Variants in MOK observed in about 807,000 individuals in gnomAD.
The protein encoded by MOK is MAPK/MAK/MRK overlapping kinase.
In MOK, 59 loss-of-function variants were observed where a neutral mutation model predicts 54.2. The ratio of observed to expected loss-of-function variants is 1.09; its 90% CI spans 0.88 to 1.35. MOK has a LOEUF of 1.35. Among genes scored for constraint, MOK ranks in the 40% most tolerant of loss-of-function variants. The pLI is 0.00. For synonymous variants in MOK, 210 were observed against 202.7 expected (o/e 1.04, Z -0.31); for missense variants, 517 against 526.2 (o/e 0.98, Z 0.17).
intron 4 of MOK, among the ~76,000 whole-genome samples, chr14:102,258,928 T>C (rs1160031635): frequency 6.6e-6 from 1 of 152,046 alleles, no homozygotes; most frequent in Non-Finnish European, 1.5e-5. Context: ...TAGCCGGACG[T>C]GGTGGTGGGC....
intron 2 of MOK, among the ~76,000 whole-genome samples, chr14:102,274,159 G>A (rs2068634553): frequency 6.6e-6 from 1 of 151,044 alleles, no homozygotes; most frequent in Non-Finnish European, 1.5e-5. Context: ...GGGTTTCACG[G>A]TTTTAGCCAG....
At chr14:102,281,105 CTT>C (rs2069373182) in intron 2 of MOK, among the ~76,000 whole-genome samples, 1 of 152,158 alleles carries the variant, frequency 6.6e-6, no homozygotes, top group Admixed American at 6.6e-5. Context: ...GGGCAGATCA[CTT>C]GAGGTCAGGA....
At chr14:102,258,669 C>T (rs992303031) in intron 4 of MOK, among the ~76,000 whole-genome samples, 1 of 152,216 alleles carries the variant, frequency 6.6e-6, no homozygotes, top group African/African-American at 2.4e-5. Context: ...CAGCCCACAC[C>T]ATCTCTGCCT....
downstream of MOK, chr14:102,225,006 A>G: frequency 2.9e-6 from 1 of 345,428 alleles, no homozygotes; most frequent in East Asian, 7.8e-5. Flanking sequence ...CAAAACAGCT[A>G]CAGTGAACTG....
the MOK span, among the ~76,000 whole-genome samples, chr14:102,218,968 G>A: frequency 6.6e-6 from 1 of 152,206 alleles, no homozygotes; most frequent in Non-Finnish European, 1.5e-5. Context: ...TTTCTCCCAT[G>A]AAAAGGAAGC....
the MOK span, among the ~76,000 whole-genome samples, chr14:102,216,955 T>TC: frequency 3.3e-4 from 50 of 152,228 alleles, 1 homozygote; most frequent in African/African-American, 1.2e-3. Flanking sequence ...TAGCCATTTC[T>TC]CCATGTGTGG....
chr14:102,263,220 C>T (rs2067616958), intron 4 of MOK, among the ~76,000 whole-genome samples: 1 of 152,270 alleles, frequency 6.6e-6, no homozygotes, highest in African/African-American at 2.4e-5. Context: ...AGAGAGGCCC[C>T]TGAGCCAGCG....
rs1350796323 is a variant in MOK, at chr14:102,229,324, G to A, written c.1225C>T (p.Arg409Cys). 1.2e-6 allele frequency: 2 copies of A among 1,613,466 alleles called. No individual in the cohort carries two copies. The highest frequency in any genetic ancestry group is 1.7e-6 in the Non-Finnish European group (2 of 1,179,640). The change falls in exon 12 of 12, where the codon CGC (arginine) becomes TGC (cysteine). Residue 409 changes from arginine (R) to cysteine (C), a missense_variant. Transcript: ENST00000361847. ...KDLKPAPQQC[R>C]LPTIVRKGGR ...CCTTTCCGCACTATGGTGGGCAGGCGACACTGCTGCGGGGCAGGCTTAAGG... is the reference window on the plus strand; with the variant it reads ...CCTTTCCGCACTATGGTGGGCAGGCAACACTGCTGCGGGGCAGGCTTAAGG...
intron 2 of MOK, among the ~76,000 whole-genome samples, chr14:102,275,519 G>C (rs985251879): frequency 6.8e-6 from 1 of 147,668 alleles, no homozygotes; most frequent in Non-Finnish European, 1.5e-5. Context: ...AGCAGAGATA[G>C]CGCCACTGCA....
chr14:102,292,741 G>A (rs1158431282), intron 1 of MOK, among the ~76,000 whole-genome samples: 5 of 149,616 alleles, frequency 3.3e-5, no homozygotes, highest in African/African-American at 9.9e-5. Flanking sequence ...TACACTTAGA[G>A]AAACAAAAAC....
chr14:102,242,901 G>A (rs139907184), intron 7 of MOK, among the ~76,000 whole-genome samples: 10 of 151,950 alleles, frequency 6.6e-5, no homozygotes, highest in Admixed American at 1.3e-4. Flanking sequence ...TCCTTTGCAC[G>A]CTTCATCCCA....
chr14:102,251,939 T>C lies in MOK; in HGVS notation c.340A>G (p.Lys114Glu). ...KIMHYMYQLCKSLDHIHRNGI... is the reference protein window; with the variant it reads ...KIMHYMYQLCESLDHIHRNGI... ...TACCTGTGAATATGATCCAGGGACTTACATAACTGGTACATATAGTGCATA... is the reference window on the plus strand; with the variant it reads ...TACCTGTGAATATGATCCAGGGACTCACATAACTGGTACATATAGTGCATA... The change falls in exon 5 of 12, where the codon AAG becomes GAG. Residue 114 changes from lysine (K) to glutamate (E), a missense_variant. Coordinates refer to ENST00000361847, the MANE Select transcript of MOK (RefSeq NM_014226.3). 6.2e-7 allele frequency: 1 copy of C among 1,606,328 alleles called. No homozygotes were observed.
chr14:102,224,036 G>GTTTTTTT (rs1184725386), downstream of MOK, among the ~76,000 whole-genome samples: 1 of 139,442 alleles, frequency 7.2e-6, no homozygotes, highest in African/African-American at 2.7e-5. Flanking sequence ...GTTTACCTGA[G>GTTTTTTT]ATTTTTTTTT....
intron 4 of MOK, among the ~76,000 whole-genome samples, chr14:102,255,412 T>C (rs2066871963): frequency 6.6e-6 from 1 of 152,204 alleles, no homozygotes; most frequent in African/African-American, 2.4e-5. Context: ...GCCAGGAATC[T>C]GTGCTTCTCA....
the MOK span, among the ~76,000 whole-genome samples, chr14:102,216,667 T>C: frequency 2.0e-5 from 3 of 152,198 alleles, no homozygotes; most frequent in African/African-American, 7.2e-5. Context: ...TGGTGGCTCA[T>C]GCCTGTAATC....
At chr14:102,287,116 A>C (rs1046973750) in intron 1 of MOK, among the ~76,000 whole-genome samples, 7 of 152,184 alleles carry the variant, frequency 4.6e-5, no homozygotes, top group African/African-American at 1.7e-4. Context: ...CCTCCCCCAG[A>C]AAAGATGGTG....
At position 102,238,980 on chromosome 14, in the gene MOK, C is replaced by T. The variant is rs2065460328; in HGVS notation, c.591-5191G>A. ...GTCAAAAACACAAGACTACTTCTCA[C>T]TCTTATAGACATCTTCTCTGGGTGG... On this transcript the variant is annotated intron_variant, in intron 7 of 11. Coordinates refer to ENST00000361847, the MANE Select transcript of MOK (RefSeq NM_014226.3). This position sits in a 1 kb window ranked among gnomAD's most constrained non-coding sequence, Gnocchi z 4.8. Among the ~76,000 whole-genome samples, 1 of 152,174 alleles carries T rather than the reference C, an allele frequency of 6.6e-6. No homozygotes were observed. The highest frequency in any genetic ancestry group is 1.5e-5 in the Non-Finnish European group (1 of 68,030).
chr14:102,223,675 C>T (rs8009059), downstream of MOK: 6,199 of 152,386 alleles, frequency 0.041, 147 homozygotes, highest in Middle Eastern at 0.065. Context: ...TTGAATATAC[C>T]GCTTGTTTAT....
rs1369909582 is a variant in MOK, at chr14:102,296,995, T to C, written c.7+7967A>G. 2.0e-5 allele frequency among the ~76,000 whole-genome samples: 3 copies of C among 151,896 alleles called. No individual in the cohort carries two copies. In the East Asian group the frequency reaches 5.8e-4, roughly 29 times the overall value. Reference sequence around the variant, plus strand: ...ATACCTTGAACCCAGGAGGCAGAGGTTGCAGTGAGCTGAAATCACACCACT... The same window carrying C: ...ATACCTTGAACCCAGGAGGCAGAGGCTGCAGTGAGCTGAAATCACACCACT... On this transcript the variant is annotated intron_variant, in intron 1 of 11. Transcript: ENST00000361847.
Sources: allele counts gnomAD v4.1 joint callset (sites outside exome capture counted in the v4.1 genomes callset), GRCh38; gene constraint gnomAD v4.1.1; non-coding constraint Gnocchi (gnomAD v3.1); transcripts MANE v1.5; gene names NCBI Gene and HGNC (gene_info 2026-07-23, HGNC 2026-07-21).